The following ZAP70 variants were observed in gnomAD, a reference collection of about 807,000 sequenced individuals.
ZAP70 encodes tyrosine-protein kinase ZAP-70.
Under a neutral mutation model 65.8 loss-of-function variants are expected in ZAP70, and 27 were observed. The ratio of observed to expected loss-of-function variants is 0.41; its 90% CI spans 0.30 to 0.57. ZAP70 has a LOEUF of 0.57. ZAP70 is among the 20% of genes least tolerant of loss of function. The pLI is 0.28. For missense variants in ZAP70, 696 were observed against 870.5 expected, an observed-to-expected ratio of 0.80 and a Z score of 2.52; for synonymous variants, 363 against 360.8, an observed-to-expected ratio of 1.01 and a Z score of -0.07.
chr2:97,734,020 C>T (rs1411865831), intron 8 of ZAP70: 2 of 283,546 alleles, frequency 7.1e-6, no homozygotes, highest in Non-Finnish European at 1.4e-5. Flanking sequence ...TGTGAACCCA[C>T]GATGGGCCCC....
chr2:97,720,441 G>C (rs1203293404), intron 2 of ZAP70, among the ~76,000 whole-genome samples: 2 of 152,070 alleles, frequency 1.3e-5, no homozygotes, highest in African/African-American at 4.8e-5. Flanking sequence ...TGTTCGCCAG[G>C]CTAGTCTCAA....
intron 9 of ZAP70, 150 bp from the exon 10 acceptor site, chr2:97,735,100 G>C: frequency 1.1e-6 from 1 of 906,034 alleles, no homozygotes. Flanking sequence ...CAGGCTGCAG[G>C]GACATTGAGC....
At chr2:97,722,716 G>C (rs1397921966) in intron 2 of ZAP70, among the ~76,000 whole-genome samples, 2 of 152,226 alleles carry the variant, frequency 1.3e-5, no homozygotes, top group African/African-American at 4.8e-5. Context: ...TGCTAATTCA[G>C]TGTTTTCGTT....
chr2:97,724,405 G>C lies in ZAP70; in HGVS notation c.369G>C (p.Val123=). ...GVFDCLRDAM[V]RDYVRQTWKL... is the part of the protein sequence containing the mutation. ...TCGACTGCCTGCGAGACGCCATGGT[G>C]CGTGACTACGTGCGCCAGACGTGGA... Residue 123 remains valine, a synonymous_variant, in exon 3 of 14, where the codon GTG becomes GTC. Coordinates refer to ENST00000264972, the MANE Select transcript of ZAP70 (RefSeq NM_001079.4). 1 of 1,539,158 alleles carries C rather than the reference G, an allele frequency of 6.5e-7. No individual in the cohort carries two copies. The highest frequency in any genetic ancestry group is 8.7e-7 in the Non-Finnish European group (1 of 1,143,690).
intron 2 of ZAP70, among the ~76,000 whole-genome samples, chr2:97,722,441 A>G (rs1677199460): frequency 6.6e-6 from 1 of 152,216 alleles, no homozygotes; most frequent in South Asian, 2.1e-4. Context: ...ATGGCCCCCA[A>G]CCATAGTGCT....
chr2:97,724,399 C>T lies in ZAP70; in HGVS notation c.363C>T (p.Ala121=). ...GGGTCTTCGACTGCCTGCGAGACGC[C>T]ATGGTGCGTGACTACGTGCGCCAGA... ...QPGVFDCLRD[A]MVRDYVRQTW... is the part of the protein sequence containing the mutation. The change falls in exon 3 of 14, where the codon GCC becomes GCT. Residue 121 remains alanine, a synonymous_variant. Coordinates refer to ENST00000264972, the MANE Select transcript of ZAP70 (RefSeq NM_001079.4). The T allele has an allele frequency of 6.5e-7, 1 of 1,538,214 alleles. No individual in the cohort carries two copies. The highest frequency in any genetic ancestry group is 8.8e-7 in the Non-Finnish European group (1 of 1,142,458).
chr2:97,756,274 C>CTT, the ZAP70 span: 1 of 152,110 alleles, frequency 6.6e-6, no homozygotes, highest in Admixed American at 6.5e-5. Flanking sequence ...AGGTGGTTTA[C>CTT]TTTGGTGTGA....
rs946689825 is a variant in ZAP70, at chr2:97,731,829, A to G, written c.564-1054A>G. On this transcript the variant is annotated intron_variant, in intron 4 of 13. Coordinates refer to ENST00000264972, the MANE Select transcript of ZAP70 (RefSeq NM_001079.4). This position sits in a 1 kb window ranked among gnomAD's most constrained non-coding sequence, Gnocchi z 4.0. ...AGGGTGCAGCTCGCAGGCCATCACA[A>G]GGGCTCTTCTGTAGTGCAGTGCAAT... Among the ~76,000 whole-genome samples, 3 of 152,164 alleles carry G rather than the reference A, an allele frequency of 2.0e-5. No homozygotes were observed. The highest frequency in any genetic ancestry group is 4.4e-5 in the Non-Finnish European group (3 of 68,030).
chr2:97,723,875 A>C, intron 2 of ZAP70, 141 bp from the exon 3 acceptor site: 1 of 916,910 alleles, frequency 1.1e-6, no homozygotes, highest in East Asian at 2.7e-5. Flanking sequence ...TGACTCTGGC[A>C]CAGAGCAGGC....
rs61290425 is a variant in ZAP70, at chr2:97,721,471, T to C, written c.-21-2545T>C. ...CTCTGTCGCCCAGGCTGGAGTGCAA[T>C]GGCGTGACCTCAGCTCACTGCAAGC... is the stretch of plus-strand genomic sequence containing the variant. On this transcript the variant is annotated intron_variant, in intron 2 of 13. Coordinates refer to ENST00000264972, the MANE Select transcript of ZAP70 (RefSeq NM_001079.4). Among the ~76,000 whole-genome samples, 685 of 152,182 alleles carry C rather than the reference T, an allele frequency of 4.5e-3. 18 individuals are homozygous for C. The East Asian group carries it at 0.068, about 15-fold the overall frequency.
intron 8 of ZAP70, chr2:97,734,246 C>T: frequency 1.2e-6 from 1 of 857,686 alleles, no homozygotes; most frequent in South Asian, 2.1e-5. Flanking sequence ...CACATGCACA[C>T]CCCAGCTGGC....
intron 3 of ZAP70, 109 bp downstream of exon 3, chr2:97,724,547 C>T: frequency 1.3e-6 from 2 of 1,531,730 alleles, no homozygotes; most frequent in East Asian, 2.5e-5. Flanking sequence ...CCCATTCAGT[C>T]CCCTTTGGAA....
At chr2:97,725,292 G>T (rs147224305) in intron 4 of ZAP70, 40 bp downstream of exon 4, 5 of 1,605,122 alleles carry the variant, frequency 3.1e-6, no homozygotes, top group Non-Finnish European at 4.3e-6. Context: ...GAGGATTGGG[G>T]CTCGTTGGCA....
Position 97,739,602 on chromosome 2 carries a change from C to G in ZAP70, c.*104C>G. The stretch of plus-strand genomic sequence containing the variant: ...AGCCCTGCTTGGTTGTCTCCACACA[C>G]AGCTGGGCTGTGGTAGGGGGTGTCT... On this transcript the variant is annotated 3_prime_UTR_variant, in exon 14 of 14. Coordinates refer to ENST00000264972, the MANE Select transcript of ZAP70 (RefSeq NM_001079.4). 6.7e-7 allele frequency: 1 copy of G among 1,489,484 alleles called. No individual in the cohort carries two copies. Among genetic ancestry groups the G allele is most frequent in the Non-Finnish European group, 9.0e-7 (1 of 1,106,980 alleles). 92.3% of individuals were successfully genotyped at this position (1,489,484 alleles called of 1,614,324 possible).
At chr2:97,722,681 T>G (rs929939561) in intron 2 of ZAP70, among the ~76,000 whole-genome samples, 1 of 152,220 alleles carries the variant, frequency 6.6e-6, no homozygotes, top group African/African-American at 2.4e-5. Context: ...ACTCTGTATT[T>G]CCCCTAGGAG....
rs115492726 is a variant in ZAP70 at position 97,727,526 on chromosome 2, T to A, written c.563+2274T>A. On this transcript the variant is annotated intron_variant, in intron 4 of 13. Transcript: ENST00000264972. Reference sequence around the variant, plus strand: ...ATGTTAGTAATGTTTGCTCCCACGTTCTCACATGCTCATATCCCCCTCGTC... The same window carrying A: ...ATGTTAGTAATGTTTGCTCCCACGTACTCACATGCTCATATCCCCCTCGTC... Among the ~76,000 whole-genome samples the A allele has an allele frequency of 6.0e-3, 915 of 152,220 alleles. 22 individuals are homozygous for A. The highest frequency in any genetic ancestry group is 0.026 in the East Asian group (135 of 5,170).
At chr2:97,740,210 AC>A (rs969867296), downstream of ZAP70, among the ~76,000 whole-genome samples, 1 of 151,190 alleles carries the variant, frequency 6.6e-6, no homozygotes, top group African/African-American at 2.4e-5. Context: ...TGGGGTCTTC[AC>A]CCCCCCAGGG....
intron 10 of ZAP70, among the ~76,000 whole-genome samples, 156 bp downstream of exon 10, chr2:97,735,612 A>G (rs940654416): frequency 1.3e-5 from 2 of 152,236 alleles, no homozygotes; most frequent in Non-Finnish European, 2.9e-5. Context: ...ACCCATACCC[A>G]TGCCTGCAAA....
At chr2:97,727,999 C>G (rs754908037) in intron 4 of ZAP70, among the ~76,000 whole-genome samples, 6 of 152,220 alleles carry the variant, frequency 3.9e-5, no homozygotes, top group Non-Finnish European at 7.3e-5. Flanking sequence ...ATTTGGGCCC[C>G]TGTTCCAGCT....
Sources: allele counts gnomAD v4.1 joint callset (sites outside exome capture counted in the v4.1 genomes callset), GRCh38; gene constraint gnomAD v4.1.1; non-coding constraint Gnocchi (gnomAD v3.1); transcripts MANE v1.5; gene names NCBI Gene and HGNC (gene_info 2026-07-23, HGNC 2026-07-21).